The following MIA3 variants were observed in gnomAD, a reference collection of about 807,000 sequenced individuals.
MIA3 encodes the protein transport and Golgi organization protein 1 homolog.
Under a neutral mutation model 192.4 loss-of-function variants are expected in MIA3, and 90 were observed. That is an observed-to-expected ratio of 0.47 (90% CI 0.39 to 0.56). The LOEUF (loss-of-function observed/expected upper bound fraction) is 0.56. MIA3 is among the 20% of genes least tolerant of loss of function. The pLI, the probability that MIA3 is intolerant of heterozygous loss-of-function variation, is 0.00. For synonymous variants in MIA3, 740 were observed against 792.8 expected, an observed-to-expected ratio of 0.93 and a Z score of 1.12; for missense variants, 2,123 against 2,269.4, an observed-to-expected ratio of 0.94 and a Z score of 1.31.
Position 222,630,189 on chromosome 1 carries a change from C to A in MIA3, c.2969C>A (p.Ala990Glu), listed in dbSNP as rs374881779. ...TCTGAGTCACAAATTCTGAGCATAGCAGAAAAAATGCTTGATACTCGTGTG... is the reference window on the plus strand; with the variant it reads ...TCTGAGTCACAAATTCTGAGCATAGAAGAAAAAATGCTTGATACTCGTGTG... Reference protein sequence around the residue: ...RASESQILSIAEKMLDTRVAE... With the variant: ...RASESQILSIEEKMLDTRVAE... Residue 990 changes from alanine (A) to glutamate (E), a missense_variant, in exon 4 of 28, where the codon GCA (alanine) becomes GAA (glutamate). Coordinates refer to ENST00000344922, the MANE Select transcript of MIA3 (RefSeq NM_198551.4). 1.7e-4 allele frequency: 271 copies of A among 1,614,056 alleles called. No homozygotes were observed. The highest frequency in any genetic ancestry group is 1.4e-3 in the Admixed American group (85 of 59,990).
intron 3 of MIA3, among the ~76,000 whole-genome samples, chr1:222,625,652 A>G (rs1450228252): frequency 6.6e-6 from 1 of 152,220 alleles, no homozygotes; most frequent in Admixed American, 6.5e-5. Context: ...GTAAGGCGCT[A>G]ACTACACATT....
chr1:222,650,908 G>T lies in MIA3; in HGVS notation c.3909+5G>T. On this transcript the variant is annotated splice_donor_5th_base_variant and intron_variant, in intron 11 of 27. Transcript: ENST00000344922. ...AATGTCAAGAATCAGGACTTGGTAA[G>T]AGTTTTGCTGCTAAGTATTACTAAT... The T allele has an allele frequency of 6.5e-7, 1 of 1,530,572 alleles. No individual in the cohort carries two copies. The highest frequency in any genetic ancestry group is 9.0e-7 in the Non-Finnish European group (1 of 1,116,814). The allele number at this position is 1,530,572 out of a possible 1,614,324, so 94.8% of individuals were successfully genotyped here. A position where few individuals can be genotyped will look rare whatever the true frequency, so the allele number is the denominator to read the frequency against.
intron 6 of MIA3, among the ~76,000 whole-genome samples, chr1:222,634,608 T>C (rs746274734): frequency 1.1e-4 from 16 of 152,180 alleles, no homozygotes; most frequent in Admixed American, 4.6e-4. Flanking sequence ...CTCCCCCTTG[T>C]GGTACTCGGT....
At chr1:222,640,768 A>G (rs1286213430) in intron 6 of MIA3, among the ~76,000 whole-genome samples, 1 of 152,228 alleles carries the variant, frequency 6.6e-6, no homozygotes, top group Non-Finnish European at 1.5e-5. Flanking sequence ...GGATTTAATC[A>G]AAATAAAAAC....
Position 222,627,573 on chromosome 1 carries a change from A to C in MIA3, c.355-2A>C. On this transcript the variant is annotated splice_acceptor_variant, in intron 3 of 27. Coordinates refer to ENST00000344922, the MANE Select transcript of MIA3 (RefSeq NM_198551.4). LOFTEE classifies it high-confidence loss of function. ...AGACTAATGTTTTTCTTTTTCTTAC[A>C]GGAGACGGATTTTGTTTGTTTTGAT... The C allele has an allele frequency of 6.4e-7, 1 of 1,567,400 alleles. No individual in the cohort carries two copies. The highest frequency in any genetic ancestry group is 1.4e-5 in the African/African-American group (1 of 72,458).
chr1:222,658,876 T>C (rs953141438), intron 19 of MIA3, 53 bp downstream of exon 19: 24 of 1,197,956 alleles, frequency 2.0e-5, no homozygotes, highest in Middle Eastern at 2.0e-4. Context: ...TAGTGTTGGC[T>C]TTTTTTATTA....
intron 19 of MIA3, 173 bp from the exon 20 acceptor site, chr1:222,659,280 C>G: frequency 3.4e-6 from 2 of 591,190 alleles, no homozygotes; most frequent in South Asian, 4.6e-5. Flanking sequence ...AATTATGTAT[C>G]ATTAGTTTTC....
At chr1:222,634,122 G>C (rs1190186083) in intron 6 of MIA3, among the ~76,000 whole-genome samples, 1 of 152,154 alleles carries the variant, frequency 6.6e-6, no homozygotes, top group Non-Finnish European at 1.5e-5. Context: ...GATTACAGGC[G>C]TGAGCCACCA....
chr1:222,650,869 C>T lies in MIA3; in HGVS notation c.3875C>T (p.Ser1292Phe), dbSNP rs1325017482. The change falls in exon 11 of 28, where the codon TCT becomes TTT. Residue 1292 changes from serine to phenylalanine, a missense_variant. Around this residue, in one of 3 missense-constraint regions of MIA3, gnomAD observed 762 missense variants for 856.4 expected, o/e 0.89. Transcript: ENST00000344922. ...TAKNLRVMLE[S>F]EREQNVKNQD... is the part of the protein sequence containing the mutation. ...AAAAATCTTCGTGTTATGCTAGAAT[C>T]TGAGAGAGAACAGAATGTCAAGAAT... 3.7e-6 allele frequency: 6 copies of T among 1,606,514 alleles called. No individual in the cohort carries two copies. Among genetic ancestry groups the T allele is most frequent in the South Asian group, 1.1e-5 (1 of 89,232 alleles).
chr1:222,650,893 A>C lies in MIA3; in HGVS notation c.3899A>C (p.Asn1300Thr). 1 of 1,594,404 alleles carries C rather than the reference A, an allele frequency of 6.3e-7. No homozygotes were observed. The highest frequency in any genetic ancestry group is 8.6e-7 in the Non-Finnish European group (1 of 1,169,098). The change falls in exon 11 of 28, where the codon AAT becomes ACT. Residue 1300 changes from asparagine (N) to threonine (T), a missense_variant. Physicochemically the swap from Asn to Thr is moderately conservative, Grantham distance 65. This residue lies in a region of MIA3 where 762 missense variants were observed against 856.4 expected (regional missense o/e 0.89). Transcript: ENST00000344922. Reference sequence around the variant, plus strand: ...TCTGAGAGAGAACAGAATGTCAAGAATCAGGACTTGGTAAGAGTTTTGCTG... The same window carrying C: ...TCTGAGAGAGAACAGAATGTCAAGACTCAGGACTTGGTAAGAGTTTTGCTG... ...LESEREQNVKNQDLISENKKS... is the reference protein window; with the variant it reads ...LESEREQNVKTQDLISENKKS...
chr1:222,631,050 C>CTTTCT (rs759726858), intron 4 of MIA3, among the ~76,000 whole-genome samples: 19 of 152,106 alleles, frequency 1.2e-4, no homozygotes, highest in South Asian at 8.3e-4. Flanking sequence ...AGGCTTTTCT[C>CTTTCT]TTTCTTTTCT....
chr1:222,644,270 G>A, intron 6 of MIA3: 1 of 1,382,746 alleles, frequency 7.2e-7, no homozygotes, highest in Non-Finnish European at 9.4e-7. Context: ...GGCTCCTTTG[G>A]TGCCTTGAGG....
rs1202393128 is a variant in MIA3, at chr1:222,628,734, A to G, written c.1514A>G (p.Asn505Ser). 2 of 1,614,152 alleles carry G rather than the reference A, an allele frequency of 1.2e-6. No individual in the cohort carries two copies. The highest frequency in any genetic ancestry group is 1.7e-5 in the Admixed American group (1 of 60,022). The change falls in exon 4 of 28, where the codon AAC (asparagine) becomes AGC (serine). Residue 505 changes from asparagine (N) to serine (S), a missense_variant. Physicochemically the swap from Asn to Ser is conservative, Grantham distance 46. Coordinates refer to ENST00000344922, the MANE Select transcript of MIA3 (RefSeq NM_198551.4). Reference protein sequence around the residue: ...VHSSVHSNNLNSMPAAEKGKD... With the variant: ...VHSSVHSNNLSSMPAAEKGKD... ...AGTTCTGTTCACAGCAATAACCTCA[A>G]CTCTATGCCAGCTGCTGAAAAGGGT...
Position 222,650,900 on chromosome 1 carries a change from C to G in MIA3, c.3906C>G (p.Asp1302Glu), listed in dbSNP as rs1278053532. Reference protein sequence around the residue: ...SEREQNVKNQDLISENKKSIE... With the variant: ...SEREQNVKNQELISENKKSIE... Reference sequence around the variant, plus strand: ...GAGAACAGAATGTCAAGAATCAGGACTTGGTAAGAGTTTTGCTGCTAAGTA... The same window carrying G: ...GAGAACAGAATGTCAAGAATCAGGAGTTGGTAAGAGTTTTGCTGCTAAGTA... Residue 1302 changes from aspartate to glutamate, a missense_variant, in exon 11 of 28, where the codon GAC becomes GAG. This residue lies in a region of MIA3 where 762 missense variants were observed against 856.4 expected (regional missense o/e 0.89). Transcript: ENST00000344922. 8 of 1,582,694 alleles carry G rather than the reference C, an allele frequency of 5.1e-6. No homozygotes were observed. Among genetic ancestry groups the G allele is most frequent in the Admixed American group, 1.8e-5 (1 of 55,912 alleles).
rs369285967 is a variant in MIA3 at position 222,660,214 on chromosome 1, T to A, written c.5013T>A (p.Pro1671=). Reference sequence around the variant, plus strand: ...AGAATGGCTCTTTTGGCCCATCCCCTGTGAGTGGTGGAGAATGCTCCCCTC... The same window carrying A: ...AGAATGGCTCTTTTGGCCCATCCCCAGTGAGTGGTGGAGAATGCTCCCCTC... ...LSQNGSFGPS[P]VSGGECSPPL... The change falls in exon 24 of 28, where the codon CCT becomes CCA. Residue 1671 remains proline, a synonymous_variant. Transcript: ENST00000344922. 5 of 1,613,910 alleles carry A rather than the reference T, an allele frequency of 3.1e-6. No individual in the cohort carries two copies. The highest frequency in any genetic ancestry group is 1.7e-5 in the Admixed American group (1 of 59,974).
At position 222,618,257 on chromosome 1, in the gene MIA3, A is replaced by T. The variant is rs1026920013; in HGVS notation, c.133+14A>T. On this transcript the variant is annotated intron_variant, in intron 1 of 27. Coordinates refer to ENST00000344922, the MANE Select transcript of MIA3 (RefSeq NM_198551.4). ...ACGAATGCAGCAGTGAGTGCGCTGG[A>T]GGGGCGGCTGGCCTCGGGGCGGCTG... is the stretch of plus-strand genomic sequence containing the variant. 4.2e-6 allele frequency: 6 copies of T among 1,426,708 alleles called. No individual in the cohort carries two copies. The African/African-American group carries it at 7.5e-5, about 18-fold the overall frequency. The allele number at this position is 1,426,708 out of a possible 1,614,324, so 88.4% of individuals were successfully genotyped here.
intron 1 of MIA3, among the ~76,000 whole-genome samples, chr1:222,620,542 A>G (rs1661808987): frequency 2.0e-5 from 3 of 152,268 alleles, no homozygotes. Context: ...AGGGTGTGAT[A>G]GATATCTTTT....
chr1:222,618,441 C>G (rs992608050), intron 1 of MIA3, among the ~76,000 whole-genome samples, 198 bp downstream of exon 1: 24 of 152,274 alleles, frequency 1.6e-4, no homozygotes, highest in African/African-American at 4.1e-4. Flanking sequence ...CTGCCTTCTC[C>G]CGCTCTGCCT....
intron 9 of MIA3, 110 bp downstream of exon 9, chr1:222,650,490 A>G (rs1663372739): frequency 1.2e-6 from 1 of 815,254 alleles, no homozygotes; most frequent in Admixed American, 2.7e-5. Flanking sequence ...TTATTATTAC[A>G]TTAATTCCTA....
Sources: allele counts gnomAD v4.1 joint callset (sites outside exome capture counted in the v4.1 genomes callset), GRCh38; gene constraint gnomAD v4.1.1; regional missense constraint gnomAD v4.1.1; transcripts MANE v1.5; gene names NCBI Gene and HGNC (gene_info 2026-07-23, HGNC 2026-07-21).